The following NETO1 variants were observed in gnomAD, a reference collection of about 807,000 sequenced individuals.
The protein encoded by NETO1 is neuropilin and tolloid-like protein 1.
A neutral mutation model predicts 61.3 loss-of-function variants in NETO1; 26 were observed. The observed-to-expected ratio is 0.42, with a 90% CI of 0.31 to 0.59. NETO1 has a LOEUF of 0.59. NETO1 is among the 20% of genes least tolerant of loss of function. The pLI is 0.12. For missense variants in NETO1, 531 were observed against 662.8 expected, an observed-to-expected ratio of 0.80 and a Z score of 2.18; for synonymous variants, 225 against 225.8, an observed-to-expected ratio of 1.00 and a Z score of 0.03.
chr18:72,790,704 T>C (rs768358137), intron 6 of NETO1, among the ~76,000 whole-genome samples: 1 of 152,134 alleles, frequency 6.6e-6, no homozygotes, highest in Admixed American at 6.6e-5. Flanking sequence ...TAAACCGCAG[T>C]ACTTAAAAGT....
intron 4 of NETO1, among the ~76,000 whole-genome samples, chr18:72,799,866 T>C (rs900138210): frequency 3.3e-5 from 5 of 152,232 alleles, no homozygotes; most frequent in African/African-American, 1.2e-4. Context: ...GTAACACAGA[T>C]TCAGTTACAA....
intron 8 of NETO1, among the ~76,000 whole-genome samples, chr18:72,753,575 C>A (rs2070693569): frequency 6.6e-6 from 1 of 152,128 alleles, no homozygotes; most frequent in Admixed American, 6.6e-5. Flanking sequence ...TGAGTTCAGA[C>A]AGTAACTCAA....
At chr18:72,816,464 T>C (rs971582656) in intron 4 of NETO1, among the ~76,000 whole-genome samples, 2 of 152,098 alleles carry the variant, frequency 1.3e-5, no homozygotes, top group African/African-American at 4.8e-5. Flanking sequence ...TTCCACCTCC[T>C]ACAGTCAGGA....
At chr18:72,756,476 C>T (rs1187244452) in intron 7 of NETO1, among the ~76,000 whole-genome samples, 1 of 152,046 alleles carries the variant, frequency 6.6e-6, no homozygotes, top group Non-Finnish European at 1.5e-5. Context: ...ATAAATTATA[C>T]TTTATACAGA....
chr18:72,799,898 C>T (rs539599506), intron 4 of NETO1, among the ~76,000 whole-genome samples: 1 of 152,364 alleles, frequency 6.6e-6, no homozygotes, highest in African/African-American at 2.4e-5. Flanking sequence ...TTGTGCGACA[C>T]ATTCAACCTG....
intron 4 of NETO1, among the ~76,000 whole-genome samples, chr18:72,821,319 G>A (rs1440915231): frequency 1.3e-5 from 2 of 151,034 alleles, no homozygotes; most frequent in Admixed American, 1.3e-4. Context: ...GAGGTGGGCG[G>A]ATCACCTGAG....
At chr18:72,770,911 G>A (rs566302678) in intron 7 of NETO1, among the ~76,000 whole-genome samples, 22 of 151,984 alleles carry the variant, frequency 1.4e-4, no homozygotes, top group Admixed American at 5.2e-4. Context: ...ACTCTAAATT[G>A]GAAAATGTGT....
chr18:72,826,924 G>T (rs1364496001), intron 4 of NETO1, among the ~76,000 whole-genome samples: 1 of 151,984 alleles, frequency 6.6e-6, no homozygotes, highest in Non-Finnish European at 1.5e-5. Flanking sequence ...CCATTTCTAG[G>T]GGGGCTGGAA....
chr18:72,762,611 T>G (rs1344371050), intron 7 of NETO1, among the ~76,000 whole-genome samples: 2 of 152,236 alleles, frequency 1.3e-5, no homozygotes, highest in Non-Finnish European at 2.9e-5. Context: ...CTCTTTCAGA[T>G]TTTTAAATCA....
At chr18:72,836,182 T>C (rs1423805214) in intron 4 of NETO1, among the ~76,000 whole-genome samples, 2 of 152,216 alleles carry the variant, frequency 1.3e-5, no homozygotes, top group African/African-American at 2.4e-5. Flanking sequence ...TTCTCACCTC[T>C]GAGCAAAAAT....
At chr18:72,855,198 A>T (rs1362501290) in intron 4 of NETO1, among the ~76,000 whole-genome samples, 1 of 152,168 alleles carries the variant, frequency 6.6e-6, no homozygotes, top group African/African-American at 2.4e-5. Flanking sequence ...ATTGCAGAGG[A>T]GAGGCTCAGT....
Position 72,865,196 on chromosome 18 carries a change from T to G in NETO1, c.74A>C (p.Lys25Thr). ...IILHLSGATK[K>T]GTEKQTTSET... The stretch of plus-strand genomic sequence containing the variant: ...TTTCTAAGTAAACACACCTGTTCCT[T>G]TCTTGGTTGCCCCAGACAAATGGAG... Residue 25 changes from lysine to threonine, a missense_variant, in exon 2 of 11, where the codon AAA becomes ACA. By Grantham distance (78) the Lys-to-Thr change is moderately conservative. Coordinates refer to ENST00000327305, the MANE Select transcript of NETO1 (RefSeq NM_138966.5). 1 of 1,613,036 alleles carries G rather than the reference T, an allele frequency of 6.2e-7. No individual in the cohort carries two copies. Among genetic ancestry groups the G allele is most frequent in the South Asian group, 1.1e-5 (1 of 90,788 alleles).
chr18:72,860,798 G>A (rs954106376), intron 3 of NETO1, among the ~76,000 whole-genome samples: 2 of 149,466 alleles, frequency 1.3e-5, no homozygotes, highest in African/African-American at 4.9e-5. Flanking sequence ...CATGTTTTAT[G>A]CTTAAAGTGC....
chr18:72,785,235 TACG>T (rs35712224), intron 6 of NETO1, among the ~76,000 whole-genome samples: 45,481 of 151,966 alleles, frequency 0.3, 8,188 homozygotes, highest in Non-Finnish European at 0.4. Flanking sequence ...CTGAAACTGA[TACG>T]ACAATTTCTT....
intron 6 of NETO1, among the ~76,000 whole-genome samples, chr18:72,793,338 C>T (rs911465580): frequency 6.6e-6 from 1 of 152,176 alleles, no homozygotes; most frequent in Non-Finnish European, 1.5e-5. Context: ...CAAAATGACT[C>T]ATCCTCTGTA....
chr18:72,796,504 C>T (rs9958862), intron 4 of NETO1, among the ~76,000 whole-genome samples: 3,512 of 152,154 alleles, frequency 0.023, 36 homozygotes, highest in Middle Eastern at 0.034. Flanking sequence ...TTTTTTGAGA[C>T]GGAGTCTGGC....
At position 72,783,669 on chromosome 18, in the gene NETO1, G is replaced by A. The variant is rs760344610; in HGVS notation, c.868+9C>T. 1 of 1,611,988 alleles carries A rather than the reference G, an allele frequency of 6.2e-7. No homozygotes were observed. Among genetic ancestry groups the A allele is most frequent in the Non-Finnish European group, 8.5e-7 (1 of 1,178,072 alleles). On this transcript the variant is annotated intron_variant, in intron 7 of 10. Transcript: ENST00000327305. ...CGAAGGAAAAATAGTCAAGTGCAGA[G>A]AATCTTACGTTCTTGAAAGGATGTG...
intron 3 of NETO1, among the ~76,000 whole-genome samples, chr18:72,859,349 G>T (rs995936015): frequency 6.6e-6 from 1 of 152,162 alleles, no homozygotes; most frequent in Non-Finnish European, 1.5e-5. Context: ...ACAAAGCACA[G>T]TATTTTTATG....
At chr18:72,782,347 C>T (rs778152742) in intron 7 of NETO1, among the ~76,000 whole-genome samples, 12 of 152,082 alleles carry the variant, frequency 7.9e-5, no homozygotes, top group East Asian at 1.9e-4. Context: ...TATGACAGAA[C>T]GATTTATACT....
Sources: gnomAD v4.1 joint callset for allele counts (sites outside exome capture counted in the v4.1 genomes callset) on GRCh38, gnomAD v4.1.1 for gene constraint, MANE v1.5 for transcripts, NCBI Gene and HGNC (gene_info 2026-07-23, HGNC 2026-07-21) for gene names.